Variants in SRPK2 observed in about 807,000 individuals in gnomAD.
The protein encoded by SRPK2 is SFRS protein kinase 2.
Under a neutral mutation model 90.8 loss-of-function variants are expected in SRPK2, and 21 were observed. The ratio of observed to expected loss-of-function variants is 0.23; its 90% confidence interval spans 0.16 to 0.33. The LOEUF is 0.33. SRPK2 is among the 10% of genes least tolerant of loss of function. The pLI, the probability that SRPK2 is intolerant of heterozygous loss-of-function variation, is 1.00. For missense variants in SRPK2, 620 were observed against 869.0 expected, an observed-to-expected ratio of 0.71 and a Z score of 3.60; for synonymous variants, 288 against 311.1, an observed-to-expected ratio of 0.93 and a Z score of 0.78.
chr7:105,299,393 T>G (rs1430931463), intron 2 of SRPK2, among the ~76,000 whole-genome samples: 1 of 152,230 alleles, frequency 6.6e-6, no homozygotes, highest in Admixed American at 6.5e-5. Flanking sequence ...TATCTTCTCA[T>G]TTTTTAAGGT....
chr7:105,279,407 T>C (rs183224662), intron 2 of SRPK2, among the ~76,000 whole-genome samples: 40 of 152,276 alleles, frequency 2.6e-4, no homozygotes, highest in Non-Finnish European at 5.3e-4. Flanking sequence ...AAATACTAGT[T>C]CAAAAGGAAA....
intron 2 of SRPK2, among the ~76,000 whole-genome samples, chr7:105,362,453 C>G (rs1321537588): frequency 6.7e-6 from 1 of 148,740 alleles, no homozygotes; most frequent in Non-Finnish European, 1.5e-5. Context: ...GGAGGCAGAG[C>G]TTGTAGTGAG....
upstream of SRPK2, chr7:105,389,392 G>A (rs750235025): frequency 4.8e-6 from 6 of 1,245,922 alleles, no homozygotes; most frequent in South Asian, 6.5e-5. Flanking sequence ...CCTCCTCTCC[G>A]GCAGGCGTGG....
intron 2 of SRPK2, among the ~76,000 whole-genome samples, chr7:105,208,739 T>C (rs149084054): frequency 1.5e-4 from 23 of 152,324 alleles, no homozygotes; most frequent in African/African-American, 5.5e-4. Context: ...GTTGTACAAT[T>C]CTGTGAACAT....
chr7:105,386,155 A>T (rs574572879), intron 2 of SRPK2, among the ~76,000 whole-genome samples: 1 of 151,998 alleles, frequency 6.6e-6, no homozygotes, highest in African/African-American at 2.4e-5. Flanking sequence ...TCTACTAAAA[A>T]TACAAAATAT....
rs1585070718 is a variant in SRPK2 at position 105,178,654 on chromosome 7, A to C, written c.230-9389T>G. Among the ~76,000 whole-genome samples the C allele has an allele frequency of 1.3e-5, 2 of 152,084 alleles. 1 individual carries two copies. The highest frequency in any genetic ancestry group is 4.2e-4 in the South Asian group (2 of 4,808). ...GGCAAAAGAGTGAGAGTCCCCCATC[A>C]TTCCAAAATTTAAAAAATTTTGCTG... On this transcript the variant is annotated intron_variant, in intron 3 of 15. Transcript: ENST00000393651.
chr7:105,344,050 G>A (rs1234276670), intron 2 of SRPK2, among the ~76,000 whole-genome samples: 9 of 151,956 alleles, frequency 5.9e-5, no homozygotes, highest in East Asian at 5.8e-4. Flanking sequence ...AGGTGCGAGC[G>A]ACCACGCCTG....
At chr7:105,332,183 T>A (rs1310518755) in intron 2 of SRPK2, among the ~76,000 whole-genome samples, 2 of 151,814 alleles carry the variant, frequency 1.3e-5, no homozygotes, top group Non-Finnish European at 1.5e-5. Flanking sequence ...CAAAGGGAAA[T>A]GTACATTCCT....
intron 6 of SRPK2, among the ~76,000 whole-genome samples, chr7:105,162,034 C>G (rs945202965): frequency 5.3e-5 from 8 of 152,180 alleles, no homozygotes; most frequent in African/African-American, 1.9e-4. Context: ...AGGTGAAAAC[C>G]ACCATGCCCA....
intron 15 of SRPK2, among the ~76,000 whole-genome samples, chr7:105,124,812 T>C (rs1800934383): frequency 6.6e-6 from 1 of 151,432 alleles, no homozygotes; most frequent in African/African-American, 2.4e-5. Flanking sequence ...CTGAAAAATA[T>C]GAAGGACCAA....
intron 2 of SRPK2, among the ~76,000 whole-genome samples, chr7:105,226,308 C>CA (rs1373247438): frequency 1.3e-5 from 2 of 151,042 alleles, no homozygotes; most frequent in Non-Finnish European, 1.5e-5. Context: ...TTTTTTTTAA[C>CA]AGAGTCTCAC....
At chr7:105,288,078 A>G (rs534867565) in intron 2 of SRPK2, among the ~76,000 whole-genome samples, 1 of 152,290 alleles carries the variant, frequency 6.6e-6, no homozygotes, top group African/African-American at 2.4e-5. Flanking sequence ...GGATTCTGAG[A>G]GTGTTATATT....
chr7:105,283,340 C>A (rs1807594152), intron 2 of SRPK2, among the ~76,000 whole-genome samples: 1 of 152,252 alleles, frequency 6.6e-6, no homozygotes, highest in Middle Eastern at 3.4e-3. Context: ...AAAACTTGTA[C>A]ACAAATGTTC....
chr7:105,343,112 A>G (rs1816021982), intron 2 of SRPK2, among the ~76,000 whole-genome samples: 1 of 152,210 alleles, frequency 6.6e-6, no homozygotes, highest in Admixed American at 6.5e-5. Context: ...GAAAGTCCTG[A>G]ATGTCTGAAT....
intron 2 of SRPK2, among the ~76,000 whole-genome samples, chr7:105,362,652 T>C (rs888708141): frequency 3.9e-5 from 6 of 152,122 alleles, no homozygotes; most frequent in Middle Eastern, 3.4e-3. Context: ...TTCTCAAGGA[T>C]CTAGAAATAG....
At position 105,342,202 on chromosome 7, in the gene SRPK2, T is replaced by G. The variant is rs541534749; in HGVS notation, c.71+46446A>C. ...AGCCAGGCATGGTGGCACATGCCTG[T>G]AATCCCAGCTACTCGAAAGGCCAAG... On this transcript the variant is annotated intron_variant, in intron 2 of 15. Coordinates refer to ENST00000393651, the MANE Select transcript of SRPK2 (RefSeq NM_182692.3). Among the ~76,000 whole-genome samples, 41 of 151,504 alleles carry G rather than the reference T, an allele frequency of 2.7e-4. No homozygotes were observed. The East Asian group carries it at 7.6e-3, about 28-fold the overall frequency.
chr7:105,249,909 G>A (rs948449580), intron 2 of SRPK2, among the ~76,000 whole-genome samples: 5 of 152,068 alleles, frequency 3.3e-5, no homozygotes, highest in Admixed American at 6.5e-5. Flanking sequence ...CTATTCTTAC[G>A]CATATGACCT....
intron 2 of SRPK2, among the ~76,000 whole-genome samples, chr7:105,264,216 C>T (rs1177171067): frequency 1.3e-5 from 2 of 152,188 alleles, no homozygotes; most frequent in Non-Finnish European, 2.9e-5. Context: ...CTGGTACCTT[C>T]CTCACTTTTG....
chr7:105,291,021 G>A (rs796640861), intron 2 of SRPK2, among the ~76,000 whole-genome samples: 19 of 141,700 alleles, frequency 1.3e-4, no homozygotes, highest in African/African-American at 5.0e-4. Flanking sequence ...GTCCGGCCTG[G>A]GCGACAGAGC....
Sources: allele counts gnomAD v4.1 joint callset (sites outside exome capture counted in the v4.1 genomes callset), GRCh38; gene constraint gnomAD v4.1.1; transcripts MANE v1.5; gene names NCBI Gene and HGNC (gene_info 2026-07-23, HGNC 2026-07-21).